GALNT13: variants seen among roughly 807,000 people sequenced by gnomAD.
The protein encoded by GALNT13 is UDP-GalNAc:polypeptide N-acetylgalactosaminyltransferase 13.
GALNT13 carries 28 observed loss-of-function variants against 64.2 expected under a neutral mutation model. The observed-to-expected ratio is 0.44, with a 90% CI of 0.32 to 0.60. GALNT13 has a LOEUF of 0.60. GALNT13 is among the 20% of genes least tolerant of loss of function. GALNT13 has a pLI of 0.05. For synonymous variants in GALNT13, 214 were observed against 224.6 expected, an observed-to-expected ratio of 0.95 and a Z score of 0.42; for missense variants, 577 against 669.8, an observed-to-expected ratio of 0.86 and a Z score of 1.53.
At chr2:154,159,861 G>A (rs1371401945) in intron 4 of GALNT13, among the ~76,000 whole-genome samples, 1 of 152,172 alleles carries the variant, frequency 6.6e-6, no homozygotes, top group Non-Finnish European at 1.5e-5. Flanking sequence ...AAAGTTGGAA[G>A]TCCTTTTTAT....
At chr2:153,871,398 C>T (rs1042695444), upstream of GALNT13, among the ~76,000 whole-genome samples, 3 of 152,190 alleles carry the variant, frequency 2.0e-5, no homozygotes, top group African/African-American at 4.8e-5. Flanking sequence ...AACCTCCGTC[C>T]TTTCTGCGGA....
At chr2:154,129,129 A>G (rs1014118197) in intron 3 of GALNT13, among the ~76,000 whole-genome samples, 1 of 152,156 alleles carries the variant, frequency 6.6e-6, no homozygotes, top group Non-Finnish European at 1.5e-5. Flanking sequence ...ATCAAATTGT[A>G]CTTTTAGGAT....
At chr2:153,109,438 A>T in the GALNT13 span, among the ~76,000 whole-genome samples, 2 of 152,170 alleles carry the variant, frequency 1.3e-5, no homozygotes, top group African/African-American at 2.4e-5. Flanking sequence ...AAAACAGAAC[A>T]GACCCTTTCA....
intron 11 of GALNT13, among the ~76,000 whole-genome samples, chr2:154,429,610 A>G (rs1700622318): frequency 6.6e-6 from 1 of 152,236 alleles, no homozygotes. Flanking sequence ...GCAGCAAGTT[A>G]TCCAGAAGAT....
the GALNT13 span, among the ~76,000 whole-genome samples, chr2:153,458,548 T>A: frequency 2.0e-5 from 3 of 152,140 alleles, no homozygotes; most frequent in Non-Finnish European, 4.4e-5. Flanking sequence ...CTAGCCAGAT[T>A]TTCCCCACTA....
At chr2:154,167,061 G>A (rs1415552409) in intron 4 of GALNT13, among the ~76,000 whole-genome samples, 1 of 152,028 alleles carries the variant, frequency 6.6e-6, no homozygotes, top group African/African-American at 2.4e-5. Context: ...CACCAACATG[G>A]CACATGTATA....
chr2:153,258,628 C>A, the GALNT13 span, among the ~76,000 whole-genome samples: 1 of 152,016 alleles, frequency 6.6e-6, no homozygotes, highest in Non-Finnish European at 1.5e-5. Context: ...GCTTTCAGTG[C>A]ATCTCATAGG....
intron 3 of GALNT13, among the ~76,000 whole-genome samples, chr2:154,088,578 A>G (rs1204685890): frequency 2.6e-5 from 4 of 152,080 alleles, no homozygotes. Flanking sequence ...CAGCCTCCCA[A>G]GTAGTTGGGA....
At chr2:154,353,470 T>C (rs1696529952) in intron 9 of GALNT13, among the ~76,000 whole-genome samples, 1 of 152,150 alleles carries the variant, frequency 6.6e-6, no homozygotes. Context: ...AGATCCCTAA[T>C]ACAATACAAA....
the GALNT13 span, among the ~76,000 whole-genome samples, chr2:153,606,332 C>G: frequency 2.6e-5 from 4 of 152,020 alleles, no homozygotes; most frequent in Non-Finnish European, 4.4e-5. Context: ...TTTCTGGCTA[C>G]TAGAAACATA....
At chr2:154,426,019 TCA>T (rs1381694491) in intron 11 of GALNT13, among the ~76,000 whole-genome samples, 1 of 152,208 alleles carries the variant, frequency 6.6e-6, no homozygotes, top group Non-Finnish European at 1.5e-5. Context: ...AATTATTATT[TCA>T]CAGTTTGTAA....
At chr2:153,292,836 A>G in the GALNT13 span, among the ~76,000 whole-genome samples, 1 of 152,160 alleles carries the variant, frequency 6.6e-6, no homozygotes, top group African/African-American at 2.4e-5. Context: ...AACCGGTATA[A>G]TTCCCATCAG....
the GALNT13 span, among the ~76,000 whole-genome samples, chr2:153,160,245 G>A: frequency 4.6e-5 from 7 of 152,152 alleles, no homozygotes; most frequent in Non-Finnish European, 8.8e-5. Context: ...TATTTATTGA[G>A]TGCCTCTGAT....
chr2:154,365,324 A>G (rs1697308257), intron 9 of GALNT13, among the ~76,000 whole-genome samples: 1 of 152,200 alleles, frequency 6.6e-6, no homozygotes, highest in African/African-American at 2.4e-5. Flanking sequence ...ATTCCCAAGC[A>G]TACCCTTCAA....
At chr2:154,095,408 C>G (rs1306357393) in intron 3 of GALNT13, among the ~76,000 whole-genome samples, 2 of 151,672 alleles carry the variant, frequency 1.3e-5, no homozygotes, top group Non-Finnish European at 1.5e-5. Flanking sequence ...AACTGTAGTT[C>G]AATGTAATTG....
At chr2:153,213,958 G>C in the GALNT13 span, among the ~76,000 whole-genome samples, 4,244 of 152,254 alleles carry the variant, frequency 0.028, 72 homozygotes, top group Middle Eastern at 0.044. Context: ...TCTTTCAAGG[G>C]AGGGAACCAG....
At chr2:154,362,620 T>A (rs553208870) in intron 9 of GALNT13, among the ~76,000 whole-genome samples, 23 of 152,014 alleles carry the variant, frequency 1.5e-4, no homozygotes, top group Non-Finnish European at 2.9e-4. Flanking sequence ...AAACTTGATA[T>A]ACAAGAAGAA....
At chr2:153,296,183 T>C in the GALNT13 span, among the ~76,000 whole-genome samples, 30 of 152,048 alleles carry the variant, frequency 2.0e-4, no homozygotes, top group Non-Finnish European at 1.0e-4. Context: ...GAACTGAAAC[T>C]TGAGGAAAGA....
intron 3 of GALNT13, among the ~76,000 whole-genome samples, chr2:153,982,677 C>T (rs922501733): frequency 9.9e-5 from 15 of 152,018 alleles, no homozygotes; most frequent in African/African-American, 2.7e-4. Flanking sequence ...TAACAAGCAC[C>T]GTGATGAGGC....
Sources: allele counts gnomAD v4.1 joint callset (sites outside exome capture counted in the v4.1 genomes callset), GRCh38; gene constraint gnomAD v4.1.1; transcripts MANE v1.5; gene names NCBI Gene and HGNC (gene_info 2026-07-23, HGNC 2026-07-21).